SLC25A26: variants seen among roughly 807,000 people sequenced by gnomAD.
SLC25A26 encodes solute carrier family 25 member 26, also known as mitochondrial S-adenosylmethionine carrier protein.
In SLC25A26, 36 loss-of-function variants were observed where a neutral mutation model predicts 37.8. The observed-to-expected ratio is 0.95, with a 90% CI of 0.73 to 1.26. The LOEUF is 1.26. Among genes scored for constraint, SLC25A26 ranks in the 50% most tolerant of loss-of-function variants. The pLI is 0.00. For synonymous variants in SLC25A26, 129 were observed against 122.5 expected (o/e 1.05, Z -0.35); for missense variants, 390 against 331.1 (o/e 1.18, Z -1.38).
At chr3:66,357,273 G>A (rs2076597698) in intron 6 of SLC25A26, among the ~76,000 whole-genome samples, 1 of 152,154 alleles carries the variant, frequency 6.6e-6, no homozygotes, top group Non-Finnish European at 1.5e-5. Context: ...AATTAGCCGG[G>A]CATGATGGCC....
At chr3:66,244,987 AAAAC>A (rs910631626) in intron 3 of SLC25A26, among the ~76,000 whole-genome samples, 2 of 152,174 alleles carry the variant, frequency 1.3e-5, no homozygotes, top group African/African-American at 2.4e-5. Flanking sequence ...AAAAAAACAA[AAAAC>A]AAACAAAAAA....
chr3:66,362,387 G>T (rs1485638881), intron 6 of SLC25A26, among the ~76,000 whole-genome samples: 2 of 151,452 alleles, frequency 1.3e-5, no homozygotes, highest in South Asian at 2.1e-4. Context: ...GCATGACGTG[G>T]GTGAATCACG....
chr3:66,267,486 C>A (rs901114370), intron 5 of SLC25A26, among the ~76,000 whole-genome samples: 2 of 152,082 alleles, frequency 1.3e-5, no homozygotes, highest in Non-Finnish European at 2.9e-5. Context: ...TTGGGAAAAG[C>A]CCTTGAAAGA....
chr3:66,190,127 C>A (rs1324308874), intron 1 of SLC25A26, among the ~76,000 whole-genome samples: 4 of 152,072 alleles, frequency 2.6e-5, no homozygotes, highest in African/African-American at 9.7e-5. Flanking sequence ...GGCTGGGCAA[C>A]ATGGTGAAAA....
chr3:66,254,426 C>T (rs1457527832), intron 3 of SLC25A26, among the ~76,000 whole-genome samples: 1 of 152,162 alleles, frequency 6.6e-6, no homozygotes, highest in Admixed American at 6.5e-5. Flanking sequence ...TCTCCCTGAC[C>T]CCCTGTCTTA....
At chr3:66,326,858 G>C (rs1169794640) in intron 5 of SLC25A26, among the ~76,000 whole-genome samples, 1 of 152,196 alleles carries the variant, frequency 6.6e-6, no homozygotes, top group South Asian at 2.1e-4. Context: ...CGAGTCTGTG[G>C]TGCTGCTGAC....
chr3:66,146,646 G>A (rs1239442171), intron 1 of SLC25A26, among the ~76,000 whole-genome samples: 1 of 151,918 alleles, frequency 6.6e-6, no homozygotes, highest in Non-Finnish European at 1.5e-5. Context: ...CTAATTAATG[G>A]GTCAAAGTCT....
At chr3:66,363,698 C>T (rs2076763960) in intron 7 of SLC25A26, among the ~76,000 whole-genome samples, 1 of 152,088 alleles carries the variant, frequency 6.6e-6, no homozygotes, top group African/African-American at 2.4e-5. Flanking sequence ...GATGTGAAGC[C>T]AGTAGGGGAG....
intron 1 of SLC25A26, among the ~76,000 whole-genome samples, chr3:66,184,622 C>CTATGTATTACATGCT (rs2070790011): frequency 1.3e-5 from 2 of 152,114 alleles, no homozygotes; most frequent in East Asian, 1.9e-4. Context: ...ACATGCTCAA[C>CTATGTATTACATGCT]CAAATCCTCA....
chr3:66,337,057 T>C lies in SLC25A26; in HGVS notation c.454-9307T>C, dbSNP rs574117137. 2.6e-5 allele frequency among the ~76,000 whole-genome samples: 4 copies of C among 152,226 alleles called. No homozygotes were observed. The East Asian group carries it at 7.7e-4, about 29-fold the overall frequency. ...AGTAATGCTTACAGACTCCTGGAAA[T>C]AGGATGAAATCTAAAAGCAAATATT... On this transcript the variant is annotated intron_variant, in intron 5 of 9. Transcript: ENST00000354883.
At chr3:66,209,082 A>G (rs1231869527) in intron 1 of SLC25A26, among the ~76,000 whole-genome samples, 17 of 31,640 alleles carry the variant, frequency 5.4e-4, no homozygotes, top group Admixed American at 5.6e-4. Context: ...ACACACCCAT[A>G]TAAAGATGTA....
chr3:66,213,112 G>A (rs925087827), intron 1 of SLC25A26, among the ~76,000 whole-genome samples: 71 of 152,192 alleles, frequency 4.7e-4, no homozygotes, highest in African/African-American at 1.6e-3. Context: ...AACTAGGCCT[G>A]GCGCAGCCCA....
chr3:66,312,693 G>A (rs548600343), intron 5 of SLC25A26, among the ~76,000 whole-genome samples: 1 of 152,236 alleles, frequency 6.6e-6, no homozygotes, highest in African/African-American at 2.4e-5. Context: ...CATAGTATTT[G>A]GGCTGGAATG....
chr3:66,332,989 C>G (rs1308676983), intron 5 of SLC25A26, among the ~76,000 whole-genome samples: 1 of 152,048 alleles, frequency 6.6e-6, no homozygotes, highest in Non-Finnish European at 1.5e-5. Flanking sequence ...GGGTTTGCTA[C>G]TTTTCTCTTA....
intron 1 of SLC25A26, among the ~76,000 whole-genome samples, chr3:66,152,257 CA>C (rs1476762623): frequency 1.3e-5 from 2 of 152,132 alleles, no homozygotes; most frequent in Non-Finnish European, 2.9e-5. Flanking sequence ...GCTGCTGGCC[CA>C]AGGGCTACAC....
chr3:66,184,195 C>T (rs922706803), intron 1 of SLC25A26, among the ~76,000 whole-genome samples: 1 of 152,082 alleles, frequency 6.6e-6, no homozygotes, highest in Non-Finnish European at 1.5e-5. Context: ...CTTACCCTCA[C>T]TCTGAATTTG....
intron 5 of SLC25A26, among the ~76,000 whole-genome samples, chr3:66,279,489 GTTTGAA>G (rs2074266176): frequency 6.6e-6 from 1 of 152,112 alleles, no homozygotes; most frequent in African/African-American, 2.4e-5. Flanking sequence ...TAGTCCATTT[GTTTGAA>G]GGCTTTTATT....
At chr3:66,343,695 G>C (rs1181800296) in intron 5 of SLC25A26, among the ~76,000 whole-genome samples, 1 of 152,152 alleles carries the variant, frequency 6.6e-6, no homozygotes, top group African/African-American at 2.4e-5. Context: ...CAATGGGATT[G>C]TTAGAGTAAA....
At chr3:66,235,280 C>G (rs989807423) in intron 1 of SLC25A26, among the ~76,000 whole-genome samples, 3 of 152,072 alleles carry the variant, frequency 2.0e-5, no homozygotes, top group Admixed American at 6.6e-5. Context: ...TAAAAATATT[C>G]TACATATTTG....
Sources: allele counts gnomAD v4.1 joint callset (sites outside exome capture counted in the v4.1 genomes callset), GRCh38; gene constraint gnomAD v4.1.1; transcripts MANE v1.5; gene names NCBI Gene and HGNC (gene_info 2026-07-23, HGNC 2026-07-21).